Variants in RASGRF2 observed in about 807,000 individuals in gnomAD.
The protein encoded by RASGRF2 is Ras protein specific guanine nucleotide releasing factor 2.
RASGRF2 carries 76 observed loss-of-function variants against 151.0 expected under a neutral mutation model. That is an observed-to-expected ratio of 0.50 (90% CI 0.42 to 0.61). RASGRF2 has a LOEUF of 0.61. RASGRF2 is among the 20% of genes least tolerant of loss of function. The pLI is 0.00. For missense variants in RASGRF2, 1,148 were observed against 1,564.6 expected, an observed-to-expected ratio of 0.73 and a Z score of 4.49; for synonymous variants, 504 against 566.5, an observed-to-expected ratio of 0.89 and a Z score of 1.57.
At chr5:81,044,188 T>G (rs543997472) in intron 2 of RASGRF2, among the ~76,000 whole-genome samples, 1 of 152,172 alleles carries the variant, frequency 6.6e-6, no homozygotes, top group East Asian at 1.9e-4. Context: ...GAGGCTGAAG[T>G]GGGCAGATCA....
chr5:81,212,791 A>G (rs1055091615), intron 23 of RASGRF2, among the ~76,000 whole-genome samples: 19 of 152,258 alleles, frequency 1.2e-4, no homozygotes, highest in Non-Finnish European at 2.4e-4. Context: ...GCCACAAACA[A>G]TGTGGTTGTC....
intron 11 of RASGRF2, 90 bp downstream of exon 11, chr5:81,094,452 G>GA: frequency 7.9e-7 from 1 of 1,260,374 alleles, no homozygotes; most frequent in Non-Finnish European, 1.1e-6. Flanking sequence ...ATTTATGTAT[G>GA]AAAAATTGAA....
At chr5:81,041,784 G>A (rs1012861353) in intron 1 of RASGRF2, among the ~76,000 whole-genome samples, 6 of 152,094 alleles carry the variant, frequency 3.9e-5, no homozygotes, top group East Asian at 1.9e-4. Context: ...TTGGATTTGC[G>A]TAACCTCCAT....
intron 19 of RASGRF2, among the ~76,000 whole-genome samples, chr5:81,204,780 G>T (rs969740759): frequency 6.6e-6 from 1 of 152,182 alleles, no homozygotes. Context: ...ACCCCACATA[G>T]CATCAACAGG....
chr5:81,080,866 G>T (rs1752067466), intron 7 of RASGRF2, 77 bp downstream of exon 7: 1 of 1,356,962 alleles, frequency 7.4e-7, no homozygotes, highest in Non-Finnish European at 1.0e-6. Flanking sequence ...ACCAGCGTGA[G>T]ATGCTTAAGT....
intron 17 of RASGRF2, among the ~76,000 whole-genome samples, chr5:81,177,551 T>C (rs1188864951): frequency 6.6e-6 from 1 of 151,616 alleles, no homozygotes; most frequent in East Asian, 1.9e-4. Flanking sequence ...TCTGCAAATG[T>C]ATATTGTATA....
At chr5:81,181,107 G>A (rs750729058) in intron 18 of RASGRF2, among the ~76,000 whole-genome samples, 3 of 152,162 alleles carry the variant, frequency 2.0e-5, no homozygotes, top group Non-Finnish European at 2.9e-5. Context: ...TAATCAAATT[G>A]TCAGTCTGCT....
intron 16 of RASGRF2, 60 bp downstream of exon 16, chr5:81,123,827 C>G: frequency 6.6e-7 from 1 of 1,524,622 alleles, no homozygotes; most frequent in Non-Finnish European, 8.9e-7. Context: ...AGCTTCTGAA[C>G]CTTTCCTTTG....
chr5:80,961,833 C>T (rs1162883481), intron 1 of RASGRF2, among the ~76,000 whole-genome samples: 1 of 152,172 alleles, frequency 6.6e-6, no homozygotes, highest in Non-Finnish European at 1.5e-5. Context: ...GTGATCCCAG[C>T]CCCTCATTCC....
intron 15 of RASGRF2, among the ~76,000 whole-genome samples, chr5:81,121,674 C>T (rs1440500621): frequency 1.3e-5 from 2 of 152,218 alleles, no homozygotes; most frequent in African/African-American, 4.8e-5. Context: ...CCTCTCTTCT[C>T]ATTACCAGTC....
chr5:81,056,798 G>A (rs1462915551), intron 2 of RASGRF2, among the ~76,000 whole-genome samples: 1 of 152,188 alleles, frequency 6.6e-6, no homozygotes, highest in African/African-American at 2.4e-5. Context: ...GTTGCTTTAT[G>A]AATCTGGGTG....
chr5:81,145,517 C>T (rs895916703), intron 17 of RASGRF2, among the ~76,000 whole-genome samples: 10 of 152,290 alleles, frequency 6.6e-5, no homozygotes, highest in Middle Eastern at 3.4e-3. Flanking sequence ...ACAAATAAAG[C>T]GGAAGTGATC....
chr5:81,112,158 T>C (rs2112542282), intron 13 of RASGRF2, among the ~76,000 whole-genome samples: 1 of 152,284 alleles, frequency 6.6e-6, no homozygotes, highest in East Asian at 1.9e-4. Flanking sequence ...TGTCTATATG[T>C]CATATAGACA....
chr5:81,124,421 T>G (rs1753397168), intron 16 of RASGRF2, among the ~76,000 whole-genome samples: 1 of 152,218 alleles, frequency 6.6e-6, no homozygotes, highest in South Asian at 2.1e-4. Context: ...AGAATCTCAG[T>G]GCTGGGTTTA....
intron 1 of RASGRF2, among the ~76,000 whole-genome samples, 169 bp downstream of exon 1, chr5:80,961,195 T>C (rs1436032088): frequency 6.6e-6 from 1 of 152,180 alleles, no homozygotes; most frequent in Non-Finnish European, 1.5e-5. Context: ...CCGATCTTCA[T>C]CCAGGGATTC....
In RASGRF2 at chr5:81,073,143, A is replaced by G. The variant is rs1435836655; in HGVS notation, c.634-56A>G. 6 of 1,534,358 alleles carry G rather than the reference A, an allele frequency of 3.9e-6. No individual in the cohort carries two copies. The South Asian group carries it at 4.9e-5, about 13-fold the overall frequency. ...TTAATTATATTTCATGTTCTTTTCC[A>G]TAAATAAATCACCATTGTAACTAGT... On this transcript the variant is annotated intron_variant, in intron 4 of 26. Coordinates refer to ENST00000265080, the MANE Select transcript of RASGRF2 (RefSeq NM_006909.3).
At chr5:80,982,846 C>G (rs755085255) in intron 1 of RASGRF2, among the ~76,000 whole-genome samples, 24 of 151,996 alleles carry the variant, frequency 1.6e-4, no homozygotes, top group Non-Finnish European at 3.4e-4. Context: ...ATGATCTGCC[C>G]GCCTGGGCCT....
chr5:80,969,944 A>G (rs1032445410), intron 1 of RASGRF2, among the ~76,000 whole-genome samples: 5 of 146,234 alleles, frequency 3.4e-5, no homozygotes, highest in African/African-American at 1.3e-4. Flanking sequence ...CTCCTGCCTC[A>G]GCCTCTCGAG....
intron 2 of RASGRF2, 121 bp from the exon 3 acceptor site, chr5:81,067,911 A>C: frequency 1.3e-6 from 1 of 789,454 alleles, no homozygotes; most frequent in Non-Finnish European, 1.8e-6. Context: ...TATGTCAAGT[A>C]GAGATAGCTG....
Sources: gnomAD v4.1 joint callset for allele counts (sites outside exome capture counted in the v4.1 genomes callset) on GRCh38, gnomAD v4.1.1 for gene constraint, MANE v1.5 for transcripts, NCBI Gene and HGNC (gene_info 2026-07-23, HGNC 2026-07-21) for gene names.